Variants in PTPRG observed in about 807,000 individuals in gnomAD.
The protein encoded by PTPRG is protein tyrosine phosphatase receptor type G, also known as receptor-type tyrosine-protein phosphatase gamma.
A neutral mutation model predicts 165.3 loss-of-function variants in PTPRG; 102 were observed. That is an observed-to-expected ratio of 0.62 (90% CI 0.53 to 0.73). The LOEUF (loss-of-function observed/expected upper bound fraction) is 0.73, where lower values mean the gene tolerates loss of function less well. Ranked by LOEUF, PTPRG falls within the 30% of genes least tolerant of loss-of-function variation. PTPRG has a pLI of 0.00. For missense variants in PTPRG, 1,866 were observed against 1,861.4 expected (o/e 1.00, Z -0.05); for synonymous variants, 675 against 669.5 (o/e 1.01, Z -0.13).
chr3:61,563,864 C>T (rs1279565922), intron 1 of PTPRG, among the ~76,000 whole-genome samples: 2 of 152,206 alleles, frequency 1.3e-5, no homozygotes, highest in Non-Finnish European at 2.9e-5. Flanking sequence ...CGGGGATGGC[C>T]TCGAGGGGCA....
At chr3:61,949,027 A>G (rs2039832318) in intron 2 of PTPRG, among the ~76,000 whole-genome samples, 1 of 151,028 alleles carries the variant, frequency 6.6e-6, no homozygotes, top group Admixed American at 6.6e-5. Context: ...GGCACTTAAC[A>G]AAAAAGACAA....
At chr3:61,647,791 C>CAAAAAAAAAAAAAAAAAAA (rs58020589) in intron 1 of PTPRG, among the ~76,000 whole-genome samples, 2 of 93,174 alleles carry the variant, frequency 2.1e-5, no homozygotes, top group African/African-American at 8.7e-5. Context: ...GACTCCGTCT[C>CAAAAAAAAAAAAAAAAAAA]AAAAAAAAAA....
At chr3:61,752,333 C>T (rs2033465225) in intron 2 of PTPRG, among the ~76,000 whole-genome samples, 1 of 152,112 alleles carries the variant, frequency 6.6e-6, no homozygotes, top group Admixed American at 6.6e-5. Flanking sequence ...CATCACATTG[C>T]ATATTATCTA....
At chr3:61,625,006 G>A (rs1466759649) in intron 1 of PTPRG, among the ~76,000 whole-genome samples, 3 of 151,760 alleles carry the variant, frequency 2.0e-5, no homozygotes, top group East Asian at 1.9e-4. Context: ...TCTTTGGCTC[G>A]TGGATGGCTG....
chr3:62,036,646 G>C (rs1228366350), intron 4 of PTPRG, among the ~76,000 whole-genome samples: 3 of 152,128 alleles, frequency 2.0e-5, no homozygotes, highest in Non-Finnish European at 4.4e-5. Context: ...GGTACACTTA[G>C]ATATGCAACT....
chr3:61,608,108 G>A (rs1701064185), intron 1 of PTPRG, among the ~76,000 whole-genome samples: 1 of 151,978 alleles, frequency 6.6e-6, no homozygotes, highest in African/African-American at 2.4e-5. Context: ...TTGATCTCTG[G>A]TCCGCAACTT....
intron 2 of PTPRG, among the ~76,000 whole-genome samples, chr3:61,767,880 G>A (rs1267133468): frequency 6.6e-6 from 1 of 151,234 alleles, no homozygotes; most frequent in African/African-American, 2.4e-5. Flanking sequence ...TTACATAGGA[G>A]GATTGCTTGA....
At chr3:61,925,845 G>C (rs77111969) in intron 2 of PTPRG, 2 of 476,746 alleles carry the variant, frequency 4.2e-6, no homozygotes. Flanking sequence ...GGCTTGTCCC[G>C]AGCATGACTT....
chr3:61,662,160 T>C (rs1702685819), intron 1 of PTPRG, among the ~76,000 whole-genome samples: 1 of 152,202 alleles, frequency 6.6e-6, no homozygotes, highest in Non-Finnish European at 1.5e-5. Context: ...CACAAAATCT[T>C]TTTTCAGAAA....
intron 16 of PTPRG, among the ~76,000 whole-genome samples, chr3:62,256,126 AATGATG>A (rs749784550): frequency 2.6e-5 from 4 of 152,084 alleles, no homozygotes; most frequent in Admixed American, 6.6e-5. Flanking sequence ...TTAAAATGGA[AATGATG>A]ATGATGATGA....
chr3:62,009,744 A>T (rs2041374290), intron 4 of PTPRG, among the ~76,000 whole-genome samples: 1 of 152,132 alleles, frequency 6.6e-6, no homozygotes, highest in Non-Finnish European at 1.5e-5. Flanking sequence ...ACACTGATGC[A>T]GGCACTCAGG....
At chr3:62,206,880 G>C (rs1049823102) in intron 12 of PTPRG, among the ~76,000 whole-genome samples, 1 of 113,946 alleles carries the variant, frequency 8.8e-6, no homozygotes, top group Non-Finnish European at 1.6e-5. Context: ...GCAGTGAGAA[G>C]ATCACACCAC....
At chr3:61,623,598 C>A (rs1259864838) in intron 1 of PTPRG, among the ~76,000 whole-genome samples, 1 of 152,212 alleles carries the variant, frequency 6.6e-6, no homozygotes, top group East Asian at 1.9e-4. Context: ...TTTAGCTTTG[C>A]AACAGACTAG....
At chr3:61,870,938 G>C (rs2037553131) in intron 2 of PTPRG, among the ~76,000 whole-genome samples, 2 of 152,080 alleles carry the variant, frequency 1.3e-5, no homozygotes, top group Non-Finnish European at 2.9e-5. Flanking sequence ...GGGGTAGAGT[G>C]AGTTACTTAC....
intron 4 of PTPRG, among the ~76,000 whole-genome samples, chr3:62,047,905 G>A (rs1700349028): frequency 6.6e-6 from 1 of 152,116 alleles, no homozygotes; most frequent in Non-Finnish European, 1.5e-5. Flanking sequence ...AAAAAAGCCA[G>A]CACAGTTATT....
chr3:61,679,904 G>T (rs537991666), intron 1 of PTPRG, among the ~76,000 whole-genome samples: 1 of 152,318 alleles, frequency 6.6e-6, no homozygotes, highest in South Asian at 2.1e-4. Flanking sequence ...CCAAGGAGAA[G>T]TAAAAATCTT....
In PTPRG at chr3:62,098,257, A is replaced by T. The variant is rs191088881; in HGVS notation, c.615+19999A>T. 2.4e-3 allele frequency among the ~76,000 whole-genome samples: 369 copies of T among 151,744 alleles called. 6 individuals carry two copies. The highest frequency in any genetic ancestry group is 4.1e-4 in the Non-Finnish European group (28 of 67,910). On this transcript the variant is annotated intron_variant, in intron 5 of 29. Coordinates refer to ENST00000474889, the MANE Select transcript of PTPRG (RefSeq NM_002841.4). ...GAATTGAAATTATTTGAAAAAAAAT[A>T]AAAAAAAATACAACAATATGAAATC...
intron 5 of PTPRG, among the ~76,000 whole-genome samples, chr3:62,094,938 C>T (rs910167783): frequency 6.6e-6 from 1 of 152,210 alleles, no homozygotes; most frequent in African/African-American, 2.4e-5. Flanking sequence ...GCAGTTGTAT[C>T]CACAGGCCGA....
At position 62,203,787 on chromosome 3, in the gene PTPRG, A is replaced by C; in HGVS notation, c.1992A>C (p.Pro664=). The C allele has an allele frequency of 6.2e-7, 1 of 1,613,276 alleles. No homozygotes were observed. Among genetic ancestry groups the C allele is most frequent in the Non-Finnish European group, 8.5e-7 (1 of 1,179,624 alleles). ...CGGGCGGAAGGAGGGATGCCGGCCC[A>C]GGCCTGGACCCCGACATGGTCACCT... ...DQTGGRRDAG[P]GLDPDMVTST... is the part of the protein sequence containing the mutation. The change falls in exon 12 of 30, where the codon CCA becomes CCC. Residue 664 remains proline, a synonymous_variant. Transcript: ENST00000474889. This position sits in a 1 kb window ranked among gnomAD's most constrained non-coding sequence, Gnocchi z 6.4.
Sources: gnomAD v4.1 joint callset for allele counts (sites outside exome capture counted in the v4.1 genomes callset) on GRCh38, gnomAD v4.1.1 for gene constraint, Gnocchi (gnomAD v3.1) non-coding constraint, MANE v1.5 for transcripts, NCBI Gene and HGNC (gene_info 2026-07-23, HGNC 2026-07-21) for gene names.